Variants in SLAMF6 observed in about 807,000 individuals in gnomAD.
SLAMF6 encodes the protein SLAM family member 6.
In SLAMF6, 21 loss-of-function variants were observed where a neutral mutation model predicts 38.3. The ratio of observed to expected loss-of-function variants is 0.55; its 90% CI spans 0.39 to 0.79. SLAMF6 has a LOEUF of 0.79. SLAMF6 is among the 30% of genes least tolerant of loss of function. The pLI, the probability that SLAMF6 is intolerant of heterozygous loss-of-function variation, is 0.00. For missense variants in SLAMF6, 341 were observed against 385.3 expected (o/e 0.89, Z 0.96); for synonymous variants, 152 against 146.3 (o/e 1.04, Z -0.28).
In SLAMF6 at chr1:160,486,752, A is replaced by C; in HGVS notation, c.954T>G (p.Ser318Arg). 1 of 1,613,808 alleles carries C rather than the reference A, an allele frequency of 6.2e-7. No individual in the cohort carries two copies. The highest frequency in any genetic ancestry group is 8.5e-7 in the Non-Finnish European group (1 of 1,179,826). The stretch of plus-strand genomic sequence containing the variant: ...CAGTTGCCCTGGAAAAAGTGGGTTT[A>C]CTCTGTGGGAAAAAGAGGAAGATGA... ...IYSTINHSKE[S>R]KPTFSRATAL... The change falls in exon 8 of 8, where the codon AGT (serine) becomes AGG (arginine). Residue 318 changes from serine to arginine, a missense_variant and splice_region_variant. Coordinates refer to ENST00000368057, the MANE Select transcript of SLAMF6 (RefSeq NM_001184714.2).
intron 1 of SLAMF6, among the ~76,000 whole-genome samples, chr1:160,519,272 C>T (rs1014933995): frequency 2.0e-5 from 3 of 152,124 alleles, no homozygotes; most frequent in African/African-American, 7.2e-5. Context: ...CACTTCACAC[C>T]TATTAGGATG....
intron 1 of SLAMF6, among the ~76,000 whole-genome samples, chr1:160,517,256 A>G (rs1023651935): frequency 1.3e-5 from 2 of 152,268 alleles, no homozygotes; most frequent in Non-Finnish European, 1.5e-5. Context: ...CAAACATGAA[A>G]AAAAGCTCAA....
intron 2 of SLAMF6, among the ~76,000 whole-genome samples, chr1:160,492,133 G>A (rs747879520): frequency 2.6e-5 from 4 of 152,134 alleles, no homozygotes; most frequent in Admixed American, 6.6e-5. Flanking sequence ...AGGAAATATT[G>A]CCTAGTAAGA....
At chr1:160,515,644 A>G (rs1488079720) in intron 1 of SLAMF6, among the ~76,000 whole-genome samples, 2 of 152,196 alleles carry the variant, frequency 1.3e-5, no homozygotes, top group African/African-American at 4.8e-5. Context: ...GCACATCAAA[A>G]AGCTTATCCA....
At position 160,490,200 on chromosome 1, in the gene SLAMF6, G is replaced by C. The variant is rs1418523791; in HGVS notation, c.794C>G (p.Pro265Arg). 1 of 1,613,576 alleles carries C rather than the reference G, an allele frequency of 6.2e-7. No homozygotes were observed. ...LSLSTQRTQG[P>R]AESARNLEYV... ...GAGTTAAGAGTCTGAATGCTCACCG[G>C]GGCCCTGTGTTCGCTGAGTAGACAA... is the stretch of plus-strand genomic sequence containing the variant. Residue 265 changes from proline to arginine, a missense_variant and splice_region_variant, in exon 5 of 8, where the codon CCC (proline) becomes CGC (arginine). Transcript: ENST00000368057.
intron 6 of SLAMF6, 149 bp downstream of exon 6, chr1:160,488,939 T>C: frequency 1.5e-6 from 1 of 687,926 alleles, no homozygotes; most frequent in East Asian, 2.7e-5. Flanking sequence ...ACCAGAGTGG[T>C]CTAGCGCATA....
At chr1:160,515,789 C>A (rs1184135987) in intron 1 of SLAMF6, among the ~76,000 whole-genome samples, 1 of 152,084 alleles carries the variant, frequency 6.6e-6, no homozygotes, top group African/African-American at 2.4e-5. Context: ...AAAAGGCCTT[C>A]TATAAAATTC....
At chr1:160,503,881 A>T (rs1654039474) in intron 1 of SLAMF6, among the ~76,000 whole-genome samples, 2 of 152,040 alleles carry the variant, frequency 1.3e-5, no homozygotes, top group South Asian at 4.1e-4. Context: ...AAAATACAAA[A>T]ATATCAGCCA....
intron 5 of SLAMF6, among the ~76,000 whole-genome samples, chr1:160,489,833 C>G (rs936587124): frequency 6.6e-6 from 1 of 152,170 alleles, no homozygotes; most frequent in African/African-American, 2.4e-5. Flanking sequence ...CCTGGCTGAA[C>G]AGTAATGATG....
rs188017294 is a variant in SLAMF6, at chr1:160,487,093, C to T, written c.951+11G>A. ...TAAGAATATAAAAACATGGAGCAAT[C>T]GTGGGCTTACCTCTTTGGAATGATT... On this transcript the variant is annotated intron_variant, in intron 7 of 7. Transcript: ENST00000368057. 8.1e-6 allele frequency: 13 copies of T among 1,597,582 alleles called. No individual in the cohort carries two copies. In the Admixed American group the frequency reaches 8.4e-5, roughly 10 times the overall value.
chr1:160,487,145 C>T lies in SLAMF6; in HGVS notation c.910G>A (p.Asp304Asn), dbSNP rs200690969. ...ETEIWTPREN[D>N]TITIYSTINH... ...ATTGTGGAGTAAATTGTGATAGTAT[C>T]ATTTTCTCTAGGTGTCCAGATTTCT... The change falls in exon 7 of 8, where the codon GAT becomes AAT. Residue 304 changes from aspartate to asparagine, a missense_variant. Physicochemically the swap from Asp to Asn is conservative, Grantham distance 23. Coordinates refer to ENST00000368057, the MANE Select transcript of SLAMF6 (RefSeq NM_001184714.2). 7 of 1,613,204 alleles carry T rather than the reference C, an allele frequency of 4.3e-6. No homozygotes were observed. Among genetic ancestry groups the T allele is most frequent in the Non-Finnish European group, 5.9e-6 (7 of 1,179,794 alleles).
At position 160,490,251 on chromosome 1, in the gene SLAMF6, C is replaced by T. The variant is rs1553224153; in HGVS notation, c.758-15G>A. On this transcript the variant is annotated splice_polypyrimidine_tract_variant and intron_variant, in intron 4 of 7. Transcript: ENST00000368057. ...AGATAGGGAATCTGAAAAATAAAAC[C>T]AGAAAATTGAAATGTGTGACAGCAG... 2 of 1,613,384 alleles carry T rather than the reference C, an allele frequency of 1.2e-6. No homozygotes were observed. The highest frequency in any genetic ancestry group is 1.1e-5 in the South Asian group (1 of 91,048).
At chr1:160,486,987 ATGC>A (rs1652999301) in intron 7 of SLAMF6, 114 bp downstream of exon 7, 3 of 1,006,392 alleles carry the variant, frequency 3.0e-6, no homozygotes, top group African/African-American at 1.6e-5. Context: ...GACTTTCCGC[ATGC>A]TGCTGCTGTT....
At chr1:160,490,452 C>T (rs1653224161) in intron 4 of SLAMF6, 123 bp downstream of exon 4, 2 of 1,387,792 alleles carry the variant, frequency 1.4e-6, no homozygotes, top group Non-Finnish European at 2.0e-6. Flanking sequence ...ACTAGCTGAG[C>T]CAGGGTTTGC....
chr1:160,514,248 A>C (rs1654632808), intron 1 of SLAMF6, among the ~76,000 whole-genome samples: 1 of 152,238 alleles, frequency 6.6e-6, no homozygotes, highest in African/African-American at 2.4e-5. Context: ...CTTTAAAGCA[A>C]TAAAGACCAA....
chr1:160,506,621 C>T (rs1283295227), intron 1 of SLAMF6, among the ~76,000 whole-genome samples: 1 of 152,160 alleles, frequency 6.6e-6, no homozygotes, highest in African/African-American at 2.4e-5. Flanking sequence ...TAGATTAATA[C>T]AAAAGCCAGT....
chr1:160,513,138 C>T (rs1237760063), intron 1 of SLAMF6, among the ~76,000 whole-genome samples: 1 of 152,092 alleles, frequency 6.6e-6, no homozygotes, highest in Non-Finnish European at 1.5e-5. Context: ...AGGAGCTATT[C>T]ATCAGAATAA....
At chr1:160,518,209 C>T (rs1036659024) in intron 1 of SLAMF6, among the ~76,000 whole-genome samples, 8 of 151,880 alleles carry the variant, frequency 5.3e-5, no homozygotes, top group Non-Finnish European at 1.2e-4. Flanking sequence ...CAATGGGATA[C>T]CATCTCACAC....
chr1:160,506,734 A>G (rs1243791331), intron 1 of SLAMF6, among the ~76,000 whole-genome samples: 3 of 152,212 alleles, frequency 2.0e-5, no homozygotes, highest in Non-Finnish European at 4.4e-5. Context: ...ACACATGCAC[A>G]AAGATGTAGT....
Sources: allele counts gnomAD v4.1 joint callset (sites outside exome capture counted in the v4.1 genomes callset), GRCh38; gene constraint gnomAD v4.1.1; transcripts MANE v1.5; gene names NCBI Gene and HGNC (gene_info 2026-07-23, HGNC 2026-07-21).